GABRA2: variants seen among roughly 807,000 people sequenced by gnomAD.
GABRA2 encodes the protein gamma-aminobutyric acid type A receptor subunit alpha2.
GABRA2 carries 16 observed loss-of-function variants against 48.7 expected under a neutral mutation model. That is an observed-to-expected ratio of 0.33 (90% CI 0.22 to 0.50). The LOEUF (loss-of-function observed/expected upper bound fraction) is 0.50, where lower values mean the gene tolerates loss of function less well. GABRA2 is among the 20% of genes least tolerant of loss of function. The pLI is 0.98. For missense variants in GABRA2, 275 were observed against 535.6 expected, an observed-to-expected ratio of 0.51 and a Z score of 4.80; for synonymous variants, 185 against 184.5, an observed-to-expected ratio of 1.00 and a Z score of -0.02.
intron 3 of GABRA2, among the ~76,000 whole-genome samples, chr4:46,375,776 G>T (rs747968524): frequency 2.0e-5 from 3 of 152,174 alleles, no homozygotes; most frequent in Non-Finnish European, 4.4e-5. Flanking sequence ...AAGCCAGAAC[G>T]AGCCAAAATA....
intron 8 of GABRA2, among the ~76,000 whole-genome samples, chr4:46,268,048 G>A (rs1263376174): frequency 1.4e-5 from 2 of 145,146 alleles, no homozygotes; most frequent in African/African-American, 2.6e-5. Flanking sequence ...TCTAAAAAAT[G>A]TATCTTGCTG....
At chr4:46,345,655 G>T (rs749800917) in intron 3 of GABRA2, among the ~76,000 whole-genome samples, 2 of 151,750 alleles carry the variant, frequency 1.3e-5, no homozygotes, top group Admixed American at 6.6e-5. Context: ...TTGCATTGAC[G>T]TTCTTTCCTA....
At chr4:46,374,676 T>A (rs80207593) in intron 3 of GABRA2, among the ~76,000 whole-genome samples, 148 of 152,214 alleles carry the variant, frequency 9.7e-4, no homozygotes, top group African/African-American at 2.9e-3. Context: ...CCACCAAACA[T>A]TTGAAAATAT....
Position 46,305,650 on chromosome 4 carries a change from C to T in GABRA2, c.621G>A (p.Gln207=), listed in dbSNP as rs757864761. 45 of 1,613,306 alleles carry T rather than the reference C, an allele frequency of 2.8e-5. No homozygotes were observed. The highest frequency in any genetic ancestry group is 1.6e-4 in the Middle Eastern group (1 of 6,080). Residue 207 remains glutamine (Q), a synonymous_variant, in exon 7 of 10, where the codon CAG becomes CAA. Transcript: ENST00000381620. ...IWTYNASDSV[Q]VAPDGSRLNQ... is the part of the protein sequence containing the mutation. ...TTAACCTAGAGCCATCAGGAGCAAC[C>T]TGTACTGAATCAGATGCATTGTAAG...
intron 3 of GABRA2, among the ~76,000 whole-genome samples, chr4:46,375,516 G>A (rs929804118): frequency 8.6e-5 from 13 of 151,932 alleles, no homozygotes; most frequent in African/African-American, 2.7e-4. Flanking sequence ...GAATTAACAC[G>A]GTCTTAGTAC....
chr4:46,387,624 T>A (rs752137626), intron 2 of GABRA2, among the ~76,000 whole-genome samples: 10 of 152,320 alleles, frequency 6.6e-5, no homozygotes, highest in Non-Finnish European at 1.3e-4. Flanking sequence ...AAAGTGTTTC[T>A]TAATCACATT....
chr4:46,272,993 C>T (rs1231367551), intron 8 of GABRA2, among the ~76,000 whole-genome samples: 2 of 151,886 alleles, frequency 1.3e-5, no homozygotes, highest in Non-Finnish European at 2.9e-5. Context: ...TTTGCTGCAC[C>T]CATCAACCCA....
intron 8 of GABRA2, among the ~76,000 whole-genome samples, chr4:46,273,166 T>C (rs1273643131): frequency 2.6e-5 from 4 of 151,846 alleles, no homozygotes; most frequent in Non-Finnish European, 1.5e-5. Flanking sequence ...CCTTCCCTAG[T>C]TGTTTTTAAG....
chr4:46,259,602 G>T (rs1292422019), intron 9 of GABRA2, among the ~76,000 whole-genome samples: 1 of 151,856 alleles, frequency 6.6e-6, no homozygotes, highest in Non-Finnish European at 1.5e-5. Context: ...TCAATATGGA[G>T]CTGAATCATT....
rs1406307408 is a variant in GABRA2 at position 46,247,928 on chromosome 4, G to T, written c.*2380C>A. Among the ~76,000 whole-genome samples, 1 of 151,040 alleles carries T rather than the reference G, an allele frequency of 6.6e-6. No homozygotes were observed. Among genetic ancestry groups the T allele is most frequent in the East Asian group, 2.0e-4 (1 of 5,120 alleles). On this transcript the variant is annotated 3_prime_UTR_variant, in exon 10 of 10. Transcript: ENST00000381620. Reference sequence around the variant, plus strand: ...ACAAAGAATTCTGATCCCTAGCACTGAAAAATCTGAACTGCCAGAATGTCA... The same window carrying T: ...ACAAAGAATTCTGATCCCTAGCACTTAAAAATCTGAACTGCCAGAATGTCA...
chr4:46,254,158 T>A (rs1481002403), intron 9 of GABRA2, among the ~76,000 whole-genome samples: 1 of 151,518 alleles, frequency 6.6e-6, no homozygotes, highest in Non-Finnish European at 1.5e-5. Context: ...CCCTATTCAC[T>A]ATTGACTGCT....
At chr4:46,271,183 T>C (rs1719263491) in intron 8 of GABRA2, among the ~76,000 whole-genome samples, 1 of 151,950 alleles carries the variant, frequency 6.6e-6, no homozygotes, top group South Asian at 2.1e-4. Flanking sequence ...AGAACACATG[T>C]AAAATTGTTT....
chr4:46,271,172 T>C (rs763757700), intron 8 of GABRA2, among the ~76,000 whole-genome samples: 2 of 151,938 alleles, frequency 1.3e-5, no homozygotes, highest in Non-Finnish European at 2.9e-5. Flanking sequence ...AAGACTGCAA[T>C]AGAACACATG....
chr4:46,246,145 T>A lies in GABRA2; in HGVS notation c.*4163A>T, dbSNP rs1713679070. On this transcript the variant is annotated 3_prime_UTR_variant, in exon 10 of 10. Coordinates refer to ENST00000381620, the MANE Select transcript of GABRA2 (RefSeq NM_000807.4). ...CTCTTAAAATATTTGTGTGTCTACA[T>A]ATGTATAATTTATCTACTTTCTCGG... Among the ~76,000 whole-genome samples, 1 of 151,114 alleles carries A rather than the reference T, an allele frequency of 6.6e-6. No individual in the cohort carries two copies. The highest frequency in any genetic ancestry group is 2.1e-4 in the South Asian group (1 of 4,828).
chr4:46,252,362 A>C (rs1469393742), intron 9 of GABRA2, among the ~76,000 whole-genome samples: 1 of 151,506 alleles, frequency 6.6e-6, no homozygotes, highest in Non-Finnish European at 1.5e-5. Flanking sequence ...AAAACTGATA[A>C]GGAAATTATA....
intron 3 of GABRA2, among the ~76,000 whole-genome samples, chr4:46,373,195 C>T (rs551314751): frequency 1.3e-5 from 2 of 152,298 alleles, no homozygotes; most frequent in African/African-American, 2.4e-5. Flanking sequence ...TGAATGTAAA[C>T]ATCTTCATCC....
chr4:46,365,425 A>G (rs550182749), intron 3 of GABRA2: 2 of 152,114 alleles, frequency 1.3e-5, no homozygotes, highest in Admixed American at 6.6e-5. Context: ...CTCTTAGTAA[A>G]AATAACTATC....
intron 9 of GABRA2, among the ~76,000 whole-genome samples, chr4:46,251,003 C>A (rs1271171953): frequency 6.6e-6 from 1 of 151,520 alleles, no homozygotes; most frequent in Non-Finnish European, 1.5e-5. Flanking sequence ...TGAATGATCC[C>A]ACATTTCTAG....
chr4:46,313,759 C>T (rs1193953947), intron 4 of GABRA2, among the ~76,000 whole-genome samples: 2 of 152,070 alleles, frequency 1.3e-5, no homozygotes, highest in Non-Finnish European at 2.9e-5. Flanking sequence ...CTCAATTACA[C>T]ACCTGAGATT....
Sources: gnomAD v4.1 joint callset for allele counts (sites outside exome capture counted in the v4.1 genomes callset) on GRCh38, gnomAD v4.1.1 for gene constraint, MANE v1.5 for transcripts, NCBI Gene and HGNC (gene_info 2026-07-23, HGNC 2026-07-21) for gene names.